SH3TC1: variants seen among roughly 807,000 people sequenced by gnomAD.
SH3TC1 encodes SH3 domain and tetratricopeptide repeats 1, also known as SH3 domain and tetratricopeptide repeat-containing protein 1.
In SH3TC1, 135 loss-of-function variants were observed where a neutral mutation model predicts 117.3. That is an observed-to-expected ratio of 1.15 (90% CI 1.00 to 1.33). The LOEUF (loss-of-function observed/expected upper bound fraction) is 1.33. SH3TC1 is among the 40% of genes most tolerant of loss of function. The probability of loss-of-function intolerance (pLI) is 0.00; values close to 1 mark genes in which losing one functional copy is unlikely to be tolerated. For missense variants in SH3TC1, 2,092 were observed against 1,794.3 expected, an observed-to-expected ratio of 1.17 and a Z score of -3.00; for synonymous variants, 898 against 816.9, an observed-to-expected ratio of 1.10 and a Z score of -1.69.
Position 8,186,813 on chromosome 4 carries a change from G to A in SH3TC1, c.-57+4603G>A, listed in dbSNP as rs1275241958. 2.6e-5 allele frequency among the ~76,000 whole-genome samples: 4 copies of A among 151,748 alleles called. 1 individual carries two copies. The highest frequency in any genetic ancestry group is 4.2e-4 in the South Asian group (2 of 4,774). The stretch of plus-strand genomic sequence containing the variant: ...ACAAAAATTAGCTGGGCGTGGTGGC[G>A]GGCACCTGTAATCCCAGCTACTCGG... On this transcript the variant is annotated intron_variant, in intron 1 of 16. Coordinates refer to the SH3TC1 transcript ENST00000508641. This position sits in a 1 kb window ranked among gnomAD's most constrained non-coding sequence, Gnocchi z 5.2.
At chr4:8,212,895 G>A (rs1718881308) in intron 4 of SH3TC1, 67 bp downstream of exon 4, 1 of 1,486,936 alleles carries the variant, frequency 6.7e-7, no homozygotes, top group South Asian at 1.4e-5. Context: ...GGGCTGAGGT[G>A]CAGTGTCTGA....
intron 1 of SH3TC1, among the ~76,000 whole-genome samples, chr4:8,189,223 G>A (rs1167987569): frequency 6.6e-6 from 1 of 152,274 alleles, no homozygotes; most frequent in African/African-American, 2.4e-5. Flanking sequence ...TGCAGAGTGT[G>A]GTGCTGTGCT....
chr4:8,193,836 T>C (rs1338264864), intron 1 of SH3TC1, among the ~76,000 whole-genome samples: 1 of 152,216 alleles, frequency 6.6e-6, no homozygotes, highest in East Asian at 1.9e-4. Context: ...CCAGGACCCC[T>C]GCTGGTATGG....
chr4:8,235,335 T>C, intron 14 of SH3TC1, 98 bp from the exon 15 acceptor site: 1 of 1,354,868 alleles, frequency 7.4e-7, no homozygotes, highest in African/African-American at 1.5e-5. Context: ...GCACCTGCAG[T>C]GTGTGAGAGG....
chr4:8,221,547 A>G (rs1490550455), intron 9 of SH3TC1, among the ~76,000 whole-genome samples: 1 of 152,164 alleles, frequency 6.6e-6, no homozygotes, highest in Admixed American at 6.5e-5. Context: ...AGATTGCACA[A>G]ATGTTAACAT....
chr4:8,208,455 C>T (rs1578661529), intron 2 of SH3TC1, among the ~76,000 whole-genome samples: 1 of 151,774 alleles, frequency 6.6e-6, no homozygotes, highest in African/African-American at 2.4e-5. Context: ...ACAACCTCCG[C>T]CTCCTGGGTT....
intron 12 of SH3TC1, among the ~76,000 whole-genome samples, chr4:8,230,783 C>CTTTTT (rs59242411): frequency 7.5e-6 from 1 of 134,160 alleles, no homozygotes; most frequent in Non-Finnish European, 1.6e-5. Context: ...ATATGCTGTG[C>CTTTTT]TTTTTTTTTT....
At chr4:8,194,643 T>C (rs768588862), upstream of SH3TC1, among the ~76,000 whole-genome samples, 10 of 152,214 alleles carry the variant, frequency 6.6e-5, no homozygotes, top group Non-Finnish European at 1.3e-4. Context: ...GGAGAAACTC[T>C]AAGACTATCC....
At chr4:8,239,818 C>T (rs1475403613) in intron 17 of SH3TC1, among the ~76,000 whole-genome samples, 1 of 152,220 alleles carries the variant, frequency 6.6e-6, no homozygotes, top group African/African-American at 2.4e-5. Context: ...TCCCAGGTCC[C>T]CCAGAGGAGC....
chr4:8,231,858 G>C, intron 12 of SH3TC1, 118 bp from the exon 13 acceptor site: 3 of 1,251,322 alleles, frequency 2.4e-6, no homozygotes, highest in Non-Finnish European at 3.3e-6. Flanking sequence ...TTCCCCGCCT[G>C]TGGGGCCCAG....
At chr4:8,184,006 T>A (rs1717155944) in intron 1 of SH3TC1, among the ~76,000 whole-genome samples, 4 of 152,138 alleles carry the variant, frequency 2.6e-5, no homozygotes, top group Admixed American at 2.6e-4. Flanking sequence ...CACCTCAGCC[T>A]CCCAAAGTGC....
Position 8,190,380 on chromosome 4 carries a change from G to A in SH3TC1, c.-57+8170G>A, listed in dbSNP as rs1717379957. Among the ~76,000 whole-genome samples, 1 of 152,200 alleles carries A rather than the reference G, an allele frequency of 6.6e-6. No individual in the cohort carries two copies. The highest frequency in any genetic ancestry group is 1.5e-5 in the Non-Finnish European group (1 of 68,024). ...CCCCCATCACTGGGCTCTGCAGAAT[G>A]CCAAAATTCCAGCTGGGGTCCCACC... On this transcript the variant is annotated intron_variant, in intron 1 of 16. Coordinates refer to the SH3TC1 transcript ENST00000508641. This position sits in a 1 kb window ranked among gnomAD's most constrained non-coding sequence, Gnocchi z 4.7.
upstream of SH3TC1, among the ~76,000 whole-genome samples, chr4:8,198,100 A>G (rs931903891): frequency 5.3e-5 from 8 of 152,076 alleles, no homozygotes; most frequent in Admixed American, 2.0e-4. Flanking sequence ...TGCACAGGAC[A>G]GCCCCCCGCC....
rs1467890243 is a variant in SH3TC1, at chr4:8,236,355, G to T, written c.3483G>T (p.Leu1161=). 2 of 1,548,334 alleles carry T rather than the reference G, an allele frequency of 1.3e-6. No homozygotes were observed. The highest frequency in any genetic ancestry group is 2.4e-5 in the East Asian group (1 of 40,850). The change falls in exon 16 of 18, where the codon CTG becomes CTT. Residue 1161 remains leucine, a synonymous_variant. Coordinates refer to ENST00000245105, the MANE Select transcript of SH3TC1 (RefSeq NM_018986.5). ...GGCTGTGCAACAAGCTGGTGGCACT[G>T]CTGGCCACGCTGGAGGAGCCCCAGG... ...ELRLCNKLVA[L]LATLEEPQEG... is the part of the protein sequence containing the mutation.
Position 8,237,261 on chromosome 4 carries a change from A to G in SH3TC1, c.3557-213A>G, listed in dbSNP as rs1721902953. On this transcript the variant is annotated intron_variant, in intron 16 of 17. Transcript: ENST00000245105. ...ATGTAGGCACAGAGCTGGGCCATCC[A>G]AGTCCGACTTTGCCAAAGCCTCACG... 5 of 477,558 alleles carry G rather than the reference A, an allele frequency of 1.0e-5. No homozygotes were observed. The East Asian group carries it at 1.7e-4, about 17-fold the overall frequency. The allele number at this position is 477,558 out of a possible 1,614,324, so 29.6% of individuals were successfully genotyped here. A position where few individuals can be genotyped will look rare whatever the true frequency, so the allele number is the denominator to read the frequency against.
At position 8,235,920 on chromosome 4, in the gene SH3TC1, C is replaced by T. The variant is rs1721768606; in HGVS notation, c.3406-358C>T. ...GGCCAGGGCCCAGGTCTGCATGCAC[C>T]CCGAAGCGGGGACGGCTTCCCCCTT... On this transcript the variant is annotated intron_variant, in intron 15 of 17. Transcript: ENST00000245105. 8.3e-6 allele frequency: 3 copies of T among 360,142 alleles called. No individual in the cohort carries two copies. The Admixed American group carries it at 1.3e-4, about 16-fold the overall frequency. The allele number at this position is 360,142 out of a possible 1,614,324, so 22.3% of individuals were successfully genotyped here.
At chr4:8,207,714 C>G (rs934621955) in intron 2 of SH3TC1, among the ~76,000 whole-genome samples, 1 of 152,220 alleles carries the variant, frequency 6.6e-6, no homozygotes, top group African/African-American at 2.4e-5. Flanking sequence ...TAGATTTGGG[C>G]TTTCCCTGTG....
In SH3TC1 at chr4:8,210,174, C is replaced by T. The variant is rs552552796; in HGVS notation, c.247+352C>T. Among the ~76,000 whole-genome samples, 7 of 152,244 alleles carry T rather than the reference C, an allele frequency of 4.6e-5. No individual in the cohort carries two copies. In the East Asian group the frequency reaches 1.4e-3, roughly 30 times the overall value. ...TGCGTCGTGGGGTGAGGTGTCCAGG[C>T]ACAGGCTTCCCAGGGATGGGATCGC... On this transcript the variant is annotated intron_variant, in intron 3 of 17. Coordinates refer to ENST00000245105, the MANE Select transcript of SH3TC1 (RefSeq NM_018986.5). This position sits in a 1 kb window ranked among gnomAD's most constrained non-coding sequence, Gnocchi z 4.1.
chr4:8,207,210 C>T (rs1303818310), intron 2 of SH3TC1, among the ~76,000 whole-genome samples: 2 of 152,218 alleles, frequency 1.3e-5, no homozygotes, highest in Non-Finnish European at 2.9e-5. Context: ...GAATGTCCCT[C>T]GATTCGAGTG....
Sources: gnomAD v4.1 joint callset for allele counts (sites outside exome capture counted in the v4.1 genomes callset) on GRCh38, gnomAD v4.1.1 for gene constraint, Gnocchi (gnomAD v3.1) non-coding constraint, MANE v1.5 for transcripts, NCBI Gene and HGNC (gene_info 2026-07-23, HGNC 2026-07-21) for gene names.